The following CDCA8 variants were observed in gnomAD, a reference collection of about 807,000 sequenced individuals.
CDCA8 encodes the protein cell division cycle associated 8.
A neutral mutation model predicts 40.0 loss-of-function variants in CDCA8; 25 were observed. That is an observed-to-expected ratio of 0.63 (90% confidence interval 0.46 to 0.87). CDCA8 has a LOEUF of 0.87. Among genes scored for constraint, CDCA8 ranks in the 40% least tolerant of loss-of-function variants. The pLI, the probability that CDCA8 is intolerant of heterozygous loss-of-function variation, is 0.00. For missense variants in CDCA8, 280 were observed against 348.4 expected, an observed-to-expected ratio of 0.80 and a Z score of 1.56; for synonymous variants, 111 against 126.5, an observed-to-expected ratio of 0.88 and a Z score of 0.82.
chr1:37,706,879 C>T, intron 8 of CDCA8, 99 bp from the exon 9 acceptor site: 1 of 853,900 alleles, frequency 1.2e-6, no homozygotes, highest in Non-Finnish European at 1.9e-6. Context: ...CTTCTCCATC[C>T]CAGCCATTCC....
chr1:37,700,305 GTCT>G (rs1245194577), intron 4 of CDCA8, 128 bp from the exon 5 acceptor site: 93 of 593,972 alleles, frequency 1.6e-4, no homozygotes, highest in Non-Finnish European at 2.5e-4. Flanking sequence ...TTCTTAAAAA[GTCT>G]TCTTTATTTT....
intron 9 of CDCA8, 68 bp downstream of exon 9, chr1:37,707,132 GATT>G: frequency 8.2e-7 from 1 of 1,216,736 alleles, no homozygotes; most frequent in South Asian, 1.2e-5. Context: ...CTTTATTTAG[GATT>G]GTCTTTTGGG....
chr1:37,707,849 T>C (rs1557520044), intron 9 of CDCA8, among the ~76,000 whole-genome samples: 1 of 152,274 alleles, frequency 6.6e-6, no homozygotes, highest in East Asian at 1.9e-4. Flanking sequence ...TCAATTTAAT[T>C]TAACTGAAGA....
Position 37,705,441 on chromosome 1 carries a change from G to T in CDCA8, c.585G>T (p.Arg195Ser). 6.2e-7 allele frequency: 1 copy of T among 1,613,624 alleles called. No individual in the cohort carries two copies. Among genetic ancestry groups the T allele is most frequent in the Non-Finnish European group, 8.5e-7 (1 of 1,179,670 alleles). ...TPGLTPRFDS[R>S]VFKTPGLRTP... ...CTTCACAGAGATTTTCCCATTCTAG[G>T]GTCTTCAAGACCCCTGGCCTGCGTA... is the stretch of plus-strand genomic sequence containing the variant. Residue 195 changes from arginine to serine, a missense_variant and splice_region_variant, in exon 8 of 10, where the codon AGG becomes AGT. Physicochemically the swap from Arg to Ser is moderately radical, Grantham distance 110. Transcript: ENST00000373055.
At chr1:37,704,636 C>CTTTTTTT (rs145718694) in intron 7 of CDCA8, among the ~76,000 whole-genome samples, 3 of 86,456 alleles carry the variant, frequency 3.5e-5, no homozygotes, top group Non-Finnish European at 6.3e-5. Flanking sequence ...TTAATTGCCA[C>CTTTTTTT]TTTTTTTTTT....
chr1:37,695,847 G>A (rs900316958), intron 2 of CDCA8, 63 bp from the exon 3 acceptor site: 2 of 1,437,958 alleles, frequency 1.4e-6, no homozygotes, highest in South Asian at 2.3e-5. Context: ...AAGATAAATG[G>A]TACTATTAGG....
At chr1:37,700,664 A>G (rs1645557707) in intron 5 of CDCA8, 143 bp downstream of exon 5, 1 of 621,178 alleles carries the variant, frequency 1.6e-6, no homozygotes, top group Admixed American at 2.5e-5. Context: ...GAGATAATTG[A>G]CTGGTGTGCA....
chr1:37,701,627 C>T, intron 5 of CDCA8, 127 bp from the exon 6 acceptor site: 2 of 576,446 alleles, frequency 3.5e-6, no homozygotes, highest in South Asian at 2.5e-5. Context: ...TGAGATACAC[C>T]TTATTATATT....
In CDCA8 at chr1:37,692,758, C is replaced by T. The variant is rs1186113176; in HGVS notation, c.68C>T (p.Ser23Phe). ...TNSLRRRKLASFLKDFDREVE... is the reference protein window; with the variant it reads ...TNSLRRRKLAFFLKDFDREVE... The stretch of plus-strand genomic sequence containing the variant: ...TCCTTACGGAGGCGGAAGCTCGCCT[C>T]CTTTCTGAAAGACTTCGACCGTGAA... Residue 23 changes from serine to phenylalanine, a missense_variant, in exon 1 of 10, where the codon TCC becomes TTC. Physicochemically the swap from Ser to Phe is radical, Grantham distance 155. Transcript: ENST00000373055. The T allele has an allele frequency of 5.0e-6, 8 of 1,613,530 alleles. No homozygotes were observed. The highest frequency in any genetic ancestry group is 5.9e-6 in the Non-Finnish European group (7 of 1,180,016).
In CDCA8 at chr1:37,708,388, G is replaced by C. The variant is rs933868871; in HGVS notation, c.*22G>C. ...ATGAGACACCAAAGTTGACAGGATGGACTTTTAATGGGCACTTCTGGGACC... is the reference window on the plus strand; with the variant it reads ...ATGAGACACCAAAGTTGACAGGATGCACTTTTAATGGGCACTTCTGGGACC... On this transcript the variant is annotated 3_prime_UTR_variant, in exon 10 of 10. Coordinates refer to ENST00000373055, the MANE Select transcript of CDCA8 (RefSeq NM_001256875.2). The C allele has an allele frequency of 6.2e-7, 1 of 1,611,516 alleles. No individual in the cohort carries two copies. The highest frequency in any genetic ancestry group is 1.1e-5 in the South Asian group (1 of 91,020).
intron 2 of CDCA8, 48 bp downstream of exon 2, chr1:37,693,081 G>A: frequency 3.8e-6 from 6 of 1,583,100 alleles, no homozygotes; most frequent in Non-Finnish European, 5.2e-6. Flanking sequence ...GCCCCTTGGG[G>A]TTAGGTGACA....
At position 37,709,445 on chromosome 1, in the gene CDCA8, G is replaced by A. The variant is rs915063414; in HGVS notation, c.*1079G>A. On this transcript the variant is annotated 3_prime_UTR_variant, in exon 10 of 10. Coordinates refer to ENST00000373055, the MANE Select transcript of CDCA8 (RefSeq NM_001256875.2). ...TCTGCCCTGGAGAATCATGTGCTAT[G>A]TTCTAAGAATTTGAGAACTAGAGTC... 1 of 152,232 alleles carries A rather than the reference G, an allele frequency of 6.6e-6. No individual in the cohort carries two copies. Among genetic ancestry groups the A allele is most frequent in the African/African-American group, 2.4e-5 (1 of 41,526 alleles). The allele number at this position is 152,232 out of a possible 1,614,324, so 9.4% of individuals were successfully genotyped here.
intron 9 of CDCA8, among the ~76,000 whole-genome samples, chr1:37,708,034 G>T (rs576394441): frequency 3.9e-5 from 6 of 152,232 alleles, no homozygotes; most frequent in African/African-American, 1.4e-4. Flanking sequence ...CTGTCTTTCT[G>T]AACATAGGCC....
intron 7 of CDCA8, 59 bp from the exon 8 acceptor site, chr1:37,705,382 T>G (rs1317924851): frequency 1.3e-6 from 2 of 1,569,180 alleles, no homozygotes; most frequent in Non-Finnish European, 1.8e-6. Context: ...TAAAATGGCC[T>G]ATAGAGTTTG....
chr1:37,704,636 CTTTTTTTTTTTT>C (rs145718694), intron 7 of CDCA8, among the ~76,000 whole-genome samples: 8 of 86,456 alleles, frequency 9.3e-5, no homozygotes, highest in African/African-American at 1.9e-4. Context: ...TTAATTGCCA[CTTTTTTTTTTTT>C]TTTTTTTTTT....
chr1:37,702,692 C>G (rs899036520), intron 6 of CDCA8, among the ~76,000 whole-genome samples: 1 of 152,112 alleles, frequency 6.6e-6, no homozygotes, highest in Non-Finnish European at 1.5e-5. Flanking sequence ...TGTCTCACAC[C>G]TGTAATCCCA....
intron 9 of CDCA8, among the ~76,000 whole-genome samples, chr1:37,707,750 G>C (rs767290483): frequency 2.0e-5 from 3 of 152,236 alleles, no homozygotes; most frequent in Non-Finnish European, 4.4e-5. Flanking sequence ...GAGCCCATGA[G>C]TTCAAGGCTG....
chr1:37,705,073 A>C (rs927540497), intron 7 of CDCA8, among the ~76,000 whole-genome samples: 1 of 152,214 alleles, frequency 6.6e-6, no homozygotes, highest in Non-Finnish European at 1.5e-5. Context: ...TATCTAAATC[A>C]TCCTCCTTTG....
chr1:37,705,778 CTGTTTTTTGGTTTTGTTTT>C (rs1361438686), intron 8 of CDCA8, among the ~76,000 whole-genome samples: 1 of 147,086 alleles, frequency 6.8e-6, no homozygotes, highest in Non-Finnish European at 1.5e-5. Flanking sequence ...TTCTGTTTTT[CTGTTTTTTGGTTTTGTTTT>C]TGTTTTTTGT....
Sources: gnomAD v4.1 joint callset for allele counts (sites outside exome capture counted in the v4.1 genomes callset) on GRCh38, gnomAD v4.1.1 for gene constraint, MANE v1.5 for transcripts, NCBI Gene and HGNC (gene_info 2026-07-23, HGNC 2026-07-21) for gene names.